Variants in ZNF410 observed in about 807,000 individuals in gnomAD.
The protein encoded by ZNF410 is another partner for ARF 1.
In ZNF410, 18 loss-of-function variants were observed where a neutral mutation model predicts 54.8. That is an observed-to-expected ratio of 0.33 (90% confidence interval 0.23 to 0.49). ZNF410 has a LOEUF of 0.49. ZNF410 is among the 20% of genes least tolerant of loss of function. ZNF410 has a pLI of 0.99. For missense variants in ZNF410, 405 were observed against 569.6 expected (o/e 0.71, Z 2.94); for synonymous variants, 191 against 207.3 (o/e 0.92, Z 0.68).
intron 10 of ZNF410, 28 bp from the exon 11 acceptor site, chr14:73,923,367 A>T: frequency 2.5e-6 from 4 of 1,607,016 alleles, no homozygotes; most frequent in Non-Finnish European, 3.4e-6. Context: ...TTCACTTTTC[A>T]TTGAAACATT....
intron 3 of ZNF410, 35 bp downstream of exon 3, chr14:73,893,967 AGTC>A (rs773728985): frequency 1.3e-6 from 2 of 1,590,644 alleles, no homozygotes; most frequent in Non-Finnish European, 1.7e-6. Flanking sequence ...AGGATAAAGA[AGTC>A]TTAAGAGCTT....
intron 1 of ZNF410, among the ~76,000 whole-genome samples, chr14:73,890,739 G>A (rs1387840968): frequency 6.6e-6 from 1 of 152,052 alleles, no homozygotes; most frequent in Non-Finnish European, 1.5e-5. Context: ...GTGGCTGGGC[G>A]CAGTGGCTCA....
chr14:73,909,491 G>A, intron 8 of ZNF410, 61 bp downstream of exon 8: 2 of 1,400,568 alleles, frequency 1.4e-6, no homozygotes, highest in Non-Finnish European at 2.0e-6. Context: ...TAAAAGGGTT[G>A]TGGGGGTGAT....
At position 73,892,164 on chromosome 14, in the gene ZNF410, G is replaced by C; in HGVS notation, c.-12G>C. 1.2e-6 allele frequency: 2 copies of C among 1,613,936 alleles called. No individual in the cohort carries two copies. Among genetic ancestry groups the C allele is most frequent in the Non-Finnish European group, 8.5e-7 (1 of 1,179,958 alleles). On this transcript the variant is annotated 5_prime_UTR_variant, in exon 2 of 12. Transcript: ENST00000555044. ...GTCCCCTGAATAGCTACAGGTTTTG[G>C]AAGCTGAATCAATGTTATCAGATGA...
intron 4 of ZNF410, among the ~76,000 whole-genome samples, chr14:73,896,737 T>A (rs1427575663): frequency 6.6e-6 from 1 of 152,122 alleles, no homozygotes; most frequent in African/African-American, 2.4e-5. Context: ...GGAAATTATG[T>A]AGTGCCATTT....
At position 73,922,147 on chromosome 14, in the gene ZNF410, G is replaced by T; in HGVS notation, c.1211G>T (p.Ser404Ile). ...CTGGTGTCTATGAATTCCCAGCCCA[G>T]CCTTGGTGGAGAGTCCTTGAACCTA... ...KNLVSMNSQP[S>I]LGGESLNLPN... is the part of the protein sequence containing the mutation. The change falls in exon 10 of 12, where the codon AGC (serine) becomes ATC (isoleucine). Residue 404 changes from serine (S) to isoleucine (I), a missense_variant. Transcript: ENST00000555044. 1 of 1,614,134 alleles carries T rather than the reference G, an allele frequency of 6.2e-7. No individual in the cohort carries two copies. Among genetic ancestry groups the T allele is most frequent in the Non-Finnish European group, 8.5e-7 (1 of 1,180,024 alleles).
chr14:73,896,792 G>T (rs376984000), intron 4 of ZNF410, among the ~76,000 whole-genome samples: 4 of 152,142 alleles, frequency 2.6e-5, no homozygotes, highest in East Asian at 3.8e-4. Flanking sequence ...AGGATGATTA[G>T]TTCCAATTTG....
Position 73,909,610 on chromosome 14 carries a change from G to T in ZNF410, c.1003+180G>T, listed in dbSNP as rs558490228. On this transcript the variant is annotated intron_variant, in intron 8 of 11. Transcript: ENST00000555044. ...CCTTAATTCTTATAATCAAGGTTGG[G>T]GGGGGGACATCTAATTATTATTTTC... The T allele has an allele frequency of 9.5e-5, 48 of 503,912 alleles. 1 individual carries two copies. The South Asian group carries it at 9.8e-4, about 10-fold the overall frequency. 31.2% of individuals were successfully genotyped at this position (503,912 alleles called of 1,614,324 possible). A position where few individuals can be genotyped will look rare whatever the true frequency, so the allele number is the denominator to read the frequency against.
At position 73,921,055 on chromosome 14, in the gene ZNF410, A is replaced by G; in HGVS notation, c.1079A>G (p.Lys360Arg). 1 of 1,613,906 alleles carries G rather than the reference A, an allele frequency of 6.2e-7. No homozygotes were observed. Among genetic ancestry groups the G allele is most frequent in the Non-Finnish European group, 8.5e-7 (1 of 1,179,914 alleles). ...QSGSRNVHMR[K>R]HHLQLGAAGS... Reference sequence around the variant, plus strand: ...GGAAGCAGGAATGTGCATATGAGAAAGCATCACCTGCAGCTGGGAGCAGCT... The same window carrying G: ...GGAAGCAGGAATGTGCATATGAGAAGGCATCACCTGCAGCTGGGAGCAGCT... The change falls in exon 9 of 12, where the codon AAG becomes AGG. Residue 360 changes from lysine (K) to arginine (R), a missense_variant. By Grantham distance (26) the Lys-to-Arg change is conservative (BLOSUM62 2). Coordinates refer to ENST00000555044, the MANE Select transcript of ZNF410 (RefSeq NM_021188.3).
At chr14:73,908,245 G>A (rs919797661) in intron 7 of ZNF410, among the ~76,000 whole-genome samples, 3 of 152,156 alleles carry the variant, frequency 2.0e-5, no homozygotes, top group South Asian at 2.1e-4. Context: ...AGGCAGGTAT[G>A]TCCCCTAACC....
rs1015463850 is a variant in ZNF410 at position 73,886,869 on chromosome 14, G to C, written c.-196G>C. On this transcript the variant is annotated 5_prime_UTR_variant, in exon 1 of 12. Coordinates refer to ENST00000555044, the MANE Select transcript of ZNF410 (RefSeq NM_021188.3). ...GAGCCGGAAGACGCTGTGTGTGGAC[G>C]GAATTCGGGACCGACTGACGGCCGG... is the stretch of plus-strand genomic sequence containing the variant. 6 of 152,956 alleles carry C rather than the reference G, an allele frequency of 3.9e-5. No homozygotes were observed. The highest frequency in any genetic ancestry group is 7.3e-5 in the Non-Finnish European group (5 of 68,260). The allele number at this position is 152,956 out of a possible 1,614,324, so 9.5% of individuals were successfully genotyped here.
chr14:73,892,154 A>G lies in ZNF410; in HGVS notation c.-22A>G, dbSNP rs2055239975. ...ATTTGAACTTGTCCCCTGAATAGCT[A>G]CAGGTTTTGGAAGCTGAATCAATGT... On this transcript the variant is annotated 5_prime_UTR_variant, in exon 2 of 12. Transcript: ENST00000555044. 3 of 1,613,750 alleles carry G rather than the reference A, an allele frequency of 1.9e-6. No individual in the cohort carries two copies. Among genetic ancestry groups the G allele is most frequent in the East Asian group, 2.2e-5 (1 of 44,846 alleles).
rs1176597297 is a variant in ZNF410 at position 73,922,174 on chromosome 14, C to A, written c.1238C>A (p.Pro413Gln). ...PSLGGESLNLPNTNSILGVDD... is the reference protein window; with the variant it reads ...PSLGGESLNLQNTNSILGVDD... ...CTTGGTGGAGAGTCCTTGAACCTACCAAATACCAATTCTATCCTGGGAGTT... is the reference window on the plus strand; with the variant it reads ...CTTGGTGGAGAGTCCTTGAACCTACAAAATACCAATTCTATCCTGGGAGTT... The change falls in exon 10 of 12, where the codon CCA (proline) becomes CAA (glutamine). Residue 413 changes from proline (P) to glutamine (Q), a missense_variant. By Grantham distance (76) the Pro-to-Gln change is moderately conservative (BLOSUM62 -1). Around this residue, in one of 3 missense-constraint regions of ZNF410, gnomAD observed 127 missense variants for 141.3 expected, o/e 0.90. Coordinates refer to ENST00000555044, the MANE Select transcript of ZNF410 (RefSeq NM_021188.3). 1.2e-6 allele frequency: 2 copies of A among 1,613,810 alleles called. No individual in the cohort carries two copies. Among genetic ancestry groups the A allele is most frequent in the Non-Finnish European group, 1.7e-6 (2 of 1,179,936 alleles).
chr14:73,903,667 T>G, intron 5 of ZNF410: 1 of 318,372 alleles, frequency 3.1e-6, no homozygotes, highest in Non-Finnish European at 5.9e-6. Context: ...TGTTTGTTTG[T>G]TTGTTTGTGT....
chr14:73,909,605 G>A (rs2055545205), intron 8 of ZNF410, 175 bp downstream of exon 8: 1 of 468,716 alleles, frequency 2.1e-6, no homozygotes, highest in African/African-American at 2.2e-5. Flanking sequence ...TATAATCAAG[G>A]TTGGGGGGGG....
intron 11 of ZNF410, among the ~76,000 whole-genome samples, chr14:73,926,686 C>T (rs372615670): frequency 2.0e-5 from 3 of 152,122 alleles, no homozygotes; most frequent in Admixed American, 6.5e-5. Flanking sequence ...CCACCCACCT[C>T]GGCCTCCCAA....
In ZNF410 at chr14:73,887,063, G is replaced by A. The variant is rs115127490; in HGVS notation, c.-150+148G>A. The A allele has an allele frequency of 8.4e-3, 1,291 of 152,902 alleles. 10 individuals are homozygous for A. The highest frequency in any genetic ancestry group is 0.03 in the African/African-American group (1,232 of 41,578). 9.5% of individuals were successfully genotyped at this position (152,902 alleles called of 1,614,324 possible). On this transcript the variant is annotated intron_variant, in intron 1 of 11. Coordinates refer to ENST00000555044, the MANE Select transcript of ZNF410 (RefSeq NM_021188.3). ...TTGGGCATCCCTCCTGGATCTGGCG[G>A]GCCCGGGAGCGGCCAGTCTGAAGCC...
At chr14:73,899,253 ATCT>A (rs1189257837) in intron 5 of ZNF410, among the ~76,000 whole-genome samples, 1 of 145,844 alleles carries the variant, frequency 6.9e-6, no homozygotes, top group Non-Finnish European at 1.5e-5. Context: ...GAAACATTAA[ATCT>A]TTTTTTTTTT....
rs1486150523 is a variant in ZNF410, at chr14:73,917,119, G to C, written c.1004-3861G>C. On this transcript the variant is annotated intron_variant, in intron 8 of 11. Coordinates refer to ENST00000555044, the MANE Select transcript of ZNF410 (RefSeq NM_021188.3). ...AATTTTCACATTAAACAATTTTCAG[G>C]GGATTTTTTTGTACTTTATTTTTTT... is the stretch of plus-strand genomic sequence containing the variant. Among the ~76,000 whole-genome samples, 2 of 151,988 alleles carry C rather than the reference G, an allele frequency of 1.3e-5. 1 individual carries two copies. The highest frequency in any genetic ancestry group is 3.8e-4 in the East Asian group (2 of 5,198).
Sources: allele counts gnomAD v4.1 joint callset (sites outside exome capture counted in the v4.1 genomes callset), GRCh38; gene constraint gnomAD v4.1.1; regional missense constraint gnomAD v4.1.1; transcripts MANE v1.5; gene names NCBI Gene and HGNC (gene_info 2026-07-23, HGNC 2026-07-21).